Variants in SDK1 observed in about 807,000 individuals in gnomAD.
SDK1 encodes the protein sidekick cell adhesion molecule 1, also known as protein sidekick-1.
SDK1 carries 157 observed loss-of-function variants against 245.5 expected under a neutral mutation model. The observed-to-expected ratio is 0.64, with a 90% confidence interval of 0.56 to 0.73. The LOEUF is 0.73. Among genes scored for constraint, SDK1 ranks in the 30% least tolerant of loss-of-function variants. The pLI is 0.00. For missense variants in SDK1, 3,583 were observed against 3,002.3 expected (o/e 1.19, Z -4.52); for synonymous variants, 1,647 against 1,278.5 (o/e 1.29, Z -6.15).
intron 39 of SDK1, among the ~76,000 whole-genome samples, chr7:4,220,476 G>C (rs1179824050): frequency 1.3e-5 from 2 of 151,142 alleles, no homozygotes; most frequent in Admixed American, 6.6e-5. Context: ...TTACATCCAT[G>C]GGCACATTGT....
At chr7:3,305,669 A>T (rs571171405) in intron 1 of SDK1, among the ~76,000 whole-genome samples, 1 of 152,274 alleles carries the variant, frequency 6.6e-6, no homozygotes, top group South Asian at 2.1e-4. Flanking sequence ...CTTAATAAAG[A>T]GTCTTGCTTA....
intron 33 of SDK1, among the ~76,000 whole-genome samples, chr7:4,175,374 T>A (rs1247220994): frequency 6.6e-6 from 1 of 152,132 alleles, no homozygotes; most frequent in Non-Finnish European, 1.5e-5. Flanking sequence ...GTCGCGCAGC[T>A]CTCCCTGAGG....
chr7:3,483,283 T>G (rs1258840663), intron 1 of SDK1, among the ~76,000 whole-genome samples: 2 of 152,210 alleles, frequency 1.3e-5, no homozygotes, highest in Non-Finnish European at 2.9e-5. Flanking sequence ...TTTAGTCAAG[T>G]TTTATAGTTG....
At chr7:3,637,444 C>T (rs1782495043) in intron 2 of SDK1, among the ~76,000 whole-genome samples, 1 of 152,200 alleles carries the variant, frequency 6.6e-6, no homozygotes, top group African/African-American at 2.4e-5. Flanking sequence ...TTTGCTCACA[C>T]CTTACTCTTA....
At chr7:3,381,308 G>A (rs4418248) in intron 1 of SDK1, among the ~76,000 whole-genome samples, 18,632 of 152,038 alleles carry the variant, frequency 0.12, 1,385 homozygotes, top group African/African-American at 0.21. Flanking sequence ...TACATTGCCC[G>A]TATGCTGGCG....
chr7:3,682,371 T>C (rs1784127138), intron 4 of SDK1, among the ~76,000 whole-genome samples: 1 of 152,226 alleles, frequency 6.6e-6, no homozygotes, highest in African/African-American at 2.4e-5. Context: ...TTTTTGAGAT[T>C]TGTAAATTAA....
At chr7:3,862,817 C>A (rs938627364) in intron 5 of SDK1, among the ~76,000 whole-genome samples, 6 of 152,174 alleles carry the variant, frequency 3.9e-5, no homozygotes, top group Non-Finnish European at 7.4e-5. Context: ...AGACATAAAA[C>A]ATTTTTCATG....
At chr7:3,582,120 CCTGTCTCAGGTAGGT>C (rs1247563375) in intron 1 of SDK1, among the ~76,000 whole-genome samples, 2 of 124,958 alleles carry the variant, frequency 1.6e-5, no homozygotes, top group African/African-American at 2.9e-5. Context: ...CTCAGGTAGG[CCTGTCTCAGGTAGGT>C]CTCCCTCAGG....
At chr7:4,030,110 G>A (rs910863504) in intron 17 of SDK1, among the ~76,000 whole-genome samples, 6 of 152,156 alleles carry the variant, frequency 3.9e-5, no homozygotes, top group Non-Finnish European at 5.9e-5. Context: ...GTCAAGCATC[G>A]GCTCCGGGTG....
At chr7:3,992,120 G>C (rs1262491289) in intron 14 of SDK1, among the ~76,000 whole-genome samples, 1 of 152,210 alleles carries the variant, frequency 6.6e-6, no homozygotes, top group Non-Finnish European at 1.5e-5. Flanking sequence ...TCTCCTGGAA[G>C]CCGGGGATCC....
At position 3,651,560 on chromosome 7, in the gene SDK1, C is replaced by G. The variant is rs191544267; in HGVS notation, c.713+9455C>G. 4.4e-3 allele frequency among the ~76,000 whole-genome samples: 664 copies of G among 152,182 alleles called. 5 individuals carry two copies. The highest frequency in any genetic ancestry group is 0.015 in the African/African-American group (631 of 41,526). On this transcript the variant is annotated intron_variant, in intron 4 of 44. Transcript: ENST00000404826. Reference sequence around the variant, plus strand: ...AAATCTAGAAGGAAGGCCAAGAGATCTAGAGGACAGAGTAATCAATAGACG... The same window carrying G: ...AAATCTAGAAGGAAGGCCAAGAGATGTAGAGGACAGAGTAATCAATAGACG...
chr7:4,260,464 CTG>C (rs1321990051), intron 44 of SDK1, among the ~76,000 whole-genome samples: 1 of 135,624 alleles, frequency 7.4e-6, no homozygotes, highest in African/African-American at 2.8e-5. Flanking sequence ...TCCGGGGTCT[CTG>C]TGTGTGTGGG....
At chr7:4,024,147 T>G (rs1787149299) in intron 17 of SDK1, among the ~76,000 whole-genome samples, 1 of 152,224 alleles carries the variant, frequency 6.6e-6, no homozygotes, top group Admixed American at 6.5e-5. Context: ...AACATTACCT[T>G]ATAATGAAAG....
chr7:3,822,736 C>T (rs1779676119), intron 5 of SDK1, among the ~76,000 whole-genome samples: 1 of 151,504 alleles, frequency 6.6e-6, no homozygotes, highest in Admixed American at 6.6e-5. Flanking sequence ...CCATTACACT[C>T]CAGCCTGGGC....
At chr7:3,932,848 C>G (rs965931641) in intron 5 of SDK1, among the ~76,000 whole-genome samples, 1 of 152,060 alleles carries the variant, frequency 6.6e-6, no homozygotes, top group Non-Finnish European at 1.5e-5. Context: ...ACAGAGAGAC[C>G]CCCAAAAGAA....
rs1013026409 is a variant in SDK1, at chr7:4,056,450, C to T, written c.2911+4620C>T. ...ACTTCAAATAGATCCAAGAGAGAAG[C>T]TGGAATTCAATAGAGAAGTGACAGG... On this transcript the variant is annotated intron_variant, in intron 19 of 44. Transcript: ENST00000404826. 4.6e-5 allele frequency among the ~76,000 whole-genome samples: 7 copies of T among 152,196 alleles called. No homozygotes were observed. In the South Asian group the frequency reaches 1.2e-3, roughly 27 times the overall value.
At chr7:4,179,952 C>G (rs1019817289) in intron 35 of SDK1, among the ~76,000 whole-genome samples, 1 of 151,896 alleles carries the variant, frequency 6.6e-6, no homozygotes, top group Non-Finnish European at 1.5e-5. Context: ...GGTGTCAGAG[C>G]TCTGCCTGAG....
rs373232522 is a variant in SDK1, at chr7:4,120,912, G to A, written c.3824-6469G>A. ...ATTACAGGCATAAGCCACCACACCCGGCCAAGAACACTCTTTTAAAAAAAA... is the reference window on the plus strand; with the variant it reads ...ATTACAGGCATAAGCCACCACACCCAGCCAAGAACACTCTTTTAAAAAAAA... On this transcript the variant is annotated intron_variant, in intron 25 of 44. Coordinates refer to ENST00000404826, the MANE Select transcript of SDK1 (RefSeq NM_152744.4). Among the ~76,000 whole-genome samples, 286 of 148,910 alleles carry A rather than the reference G, an allele frequency of 1.9e-3. 1 individual carries two copies. Among genetic ancestry groups the A allele is most frequent in the Non-Finnish European group, 2.9e-3 (197 of 67,742 alleles).
At chr7:3,945,383 G>A (rs1251425660) in intron 5 of SDK1, among the ~76,000 whole-genome samples, 1 of 152,118 alleles carries the variant, frequency 6.6e-6, no homozygotes, top group Non-Finnish European at 1.5e-5. Context: ...AGCCCTTCCT[G>A]TAAAAGGTAT....
Sources: allele counts gnomAD v4.1 joint callset (sites outside exome capture counted in the v4.1 genomes callset), GRCh38; gene constraint gnomAD v4.1.1; transcripts MANE v1.5; gene names NCBI Gene and HGNC (gene_info 2026-07-23, HGNC 2026-07-21).